The following GSDMB variants were observed in gnomAD, a reference collection of about 807,000 sequenced individuals.
GSDMB encodes the protein gasdermin-B.
Under a neutral mutation model 42.9 loss-of-function variants are expected in GSDMB, and 32 were observed. That is an observed-to-expected ratio of 0.75 (90% CI 0.56 to 1.00). GSDMB has a LOEUF of 1.00. Among genes scored for constraint, GSDMB ranks in the 50% least tolerant of loss-of-function variants. The pLI is 0.00. For synonymous variants in GSDMB, 175 were observed against 193.7 expected (o/e 0.90, Z 0.80); for missense variants, 468 against 498.5 (o/e 0.94, Z 0.58).
At chr17:39,911,678 C>A (rs982067997) in intron 3 of GSDMB, among the ~76,000 whole-genome samples, 3 of 152,142 alleles carry the variant, frequency 2.0e-5, no homozygotes, top group Non-Finnish European at 4.4e-5. Flanking sequence ...GGGGTCAATA[C>A]AGAGAGGTTA....
At position 39,906,131 on chromosome 17, in the gene GSDMB, G is replaced by A. The variant is rs553860074; in HGVS notation, c.868C>T (p.Arg290Trp). 1.3e-4 allele frequency: 204 copies of A among 1,614,108 alleles called. No homozygotes were observed. In the South Asian group the frequency reaches 2.0e-3, roughly 16 times the overall value. ...CTTACTCTTTGCTCTAGATCCTGCC[G>A]AATATCCTCCTTGCCGAGGCACTTA... ...LAKCLGKEDI[R>W]QDLEQRVSEV... The change falls in exon 8 of 11, where the codon CGG becomes TGG. Residue 290 changes from arginine (R) to tryptophan (W), a missense_variant. Transcript: ENST00000418519.
In GSDMB at chr17:39,906,962, T is replaced by G; in HGVS notation, c.726A>C (p.Leu242Phe). The part of the protein sequence containing the change: ...PEEKDGASSC[L>F]GKSLGSEDSR... ...AACACACTTGGCTATCACCCTTACCTAAACAGGATGAAGCACCATCCTTCT... is the reference window on the plus strand; with the variant it reads ...AACACACTTGGCTATCACCCTTACCGAAACAGGATGAAGCACCATCCTTCT... Residue 242 changes from leucine (L) to phenylalanine (F), a missense_variant and splice_region_variant, in exon 7 of 11, where the codon TTA becomes TTC. Coordinates refer to ENST00000418519, the MANE Select transcript of GSDMB (RefSeq NM_001165958.2). 6.2e-7 allele frequency: 1 copy of G among 1,613,990 alleles called. No homozygotes were observed. Among genetic ancestry groups the G allele is most frequent in the Non-Finnish European group, 8.5e-7 (1 of 1,179,930 alleles).
intron 2 of GSDMB, 80 bp downstream of exon 2, chr17:39,917,002 C>G (rs2063723125): frequency 9.1e-6 from 8 of 882,026 alleles, no homozygotes; most frequent in South Asian, 8.3e-5. Context: ...TGGTTGATAA[C>G]AATGGGGAAT....
chr17:39,912,410 C>T lies in GSDMB; in HGVS notation c.323G>A (p.Gly108Asp), dbSNP rs776240501. Residue 108 changes from glycine to aspartate, a missense_variant, in exon 3 of 11, where the codon GGC (glycine) becomes GAC (aspartate). Coordinates refer to ENST00000418519, the MANE Select transcript of GSDMB (RefSeq NM_001165958.2). ...VRLPKEITISGSFQGFHHQKI... is the reference protein window; with the variant it reads ...VRLPKEITISDSFQGFHHQKI... ...CTGATGGTGGAAGCCCTGGAAACTG[C>T]CTGAAATTGTTATTTCTTTGGGTAA... 6.2e-7 allele frequency: 1 copy of T among 1,612,858 alleles called. No homozygotes were observed. Among genetic ancestry groups the T allele is most frequent in the Non-Finnish European group, 8.5e-7 (1 of 1,178,890 alleles).
At chr17:39,913,428 A>G (rs368626896) in intron 2 of GSDMB, among the ~76,000 whole-genome samples, 1 of 152,042 alleles carries the variant, frequency 6.6e-6, no homozygotes, top group Non-Finnish European at 1.5e-5. Context: ...TTGGAGACCA[A>G]CCTGGCCAAC....
intron 2 of GSDMB, among the ~76,000 whole-genome samples, chr17:39,915,721 G>T (rs2063698415): frequency 6.6e-6 from 1 of 151,352 alleles, no homozygotes; most frequent in Non-Finnish European, 1.5e-5. Flanking sequence ...AAAGCCCCTT[G>T]CTTGCTTAAC....
chr17:39,908,366 TTTTG>T (rs933861987), intron 5 of GSDMB, 152 bp from the exon 6 acceptor site: 1 of 537,928 alleles, frequency 1.9e-6, no homozygotes, highest in African/African-American at 2.4e-5. Context: ...TTGTTTTTGT[TTTTG>T]TTTTTTGTTT....
chr17:39,911,203 G>T (rs551074640), intron 3 of GSDMB, among the ~76,000 whole-genome samples: 8 of 151,764 alleles, frequency 5.3e-5, no homozygotes, highest in Non-Finnish European at 7.4e-5. Context: ...GGCACCTGTA[G>T]TCCCAGCTCC....
intron 2 of GSDMB, among the ~76,000 whole-genome samples, chr17:39,913,876 G>C (rs2063660153): frequency 6.6e-6 from 1 of 152,204 alleles, no homozygotes; most frequent in South Asian, 2.1e-4. Flanking sequence ...TTTGGAGGCA[G>C]GGCTGGATTT....
In GSDMB at chr17:39,905,899, G is replaced by A. The variant is rs763299525; in HGVS notation, c.975C>T (p.Val325=). 6.2e-7 allele frequency: 1 copy of A among 1,614,062 alleles called. No homozygotes were observed. The highest frequency in any genetic ancestry group is 2.2e-5 in the East Asian group (1 of 44,882). Residue 325 remains valine (V), a synonymous_variant, in exon 9 of 11, where the codon GTC becomes GTT. Coordinates refer to ENST00000418519, the MANE Select transcript of GSDMB (RefSeq NM_001165958.2). ...TGGCTTTTGCACGCGCTTCTACCAA[G>A]ACCCCAGCAGCATTAAAAAGGCTGC... ...LLSSLFNAAG[V]LVEARAKAIL...
At position 39,905,497 on chromosome 17, in the gene GSDMB, C is replaced by G. The variant is rs1315755292; in HGVS notation, c.1028-1G>C. The G allele has an allele frequency of 5.0e-6, 8 of 1,607,274 alleles. No homozygotes were observed. In the Admixed American group the frequency reaches 6.8e-5, roughly 14 times the overall value. ...ACAAACTGCTGCTCTTCAGACAGCT[C>G]TGGGGGCAAAGAAAGAGTGGTAAAA... On this transcript the variant is annotated splice_acceptor_variant, in intron 9 of 10. Transcript: ENST00000418519. LOFTEE classifies it high-confidence loss of function.
chr17:39,914,833 C>CTTTTTTTTTTTG (rs79835993), intron 2 of GSDMB, among the ~76,000 whole-genome samples: 1 of 140,050 alleles, frequency 7.1e-6, no homozygotes, highest in African/African-American at 2.7e-5. Context: ...CCTATGCACA[C>CTTTTTTTTTTTG]TTTTTTTTTT....
At chr17:39,915,249 G>A (rs1188331167) in intron 2 of GSDMB, among the ~76,000 whole-genome samples, 2 of 152,252 alleles carry the variant, frequency 1.3e-5, no homozygotes, top group African/African-American at 2.4e-5. Flanking sequence ...TGGGATTACA[G>A]GCGCGAGCCA....
At chr17:39,908,321 AATC>A in intron 5 of GSDMB, 107 bp from the exon 6 acceptor site, 25 of 306,354 alleles carry the variant, frequency 8.2e-5, no homozygotes, top group Non-Finnish European at 9.3e-5. Flanking sequence ...ACCAGCCTCC[AATC>A]AAAAAAAAAA....
At chr17:39,911,323 C>A (rs1055205447) in intron 3 of GSDMB, among the ~76,000 whole-genome samples, 32 of 116,532 alleles carry the variant, frequency 2.7e-4, no homozygotes, top group Admixed American at 4.5e-4. Flanking sequence ...AACTCCATCT[C>A]AAAAAAAAAA....
rs1302279490 is a variant in GSDMB at position 39,904,642 on chromosome 17, T to A, written c.*170A>T. On this transcript the variant is annotated 3_prime_UTR_variant, in exon 11 of 11. Transcript: ENST00000418519. Reference sequence around the variant, plus strand: ...TTTAATCAGAAGTCCATGTATGAAATCCAGGCTGGTTTTGGATGTTAACAT... The same window carrying A: ...TTTAATCAGAAGTCCATGTATGAAAACCAGGCTGGTTTTGGATGTTAACAT... 5.5e-6 allele frequency: 3 copies of A among 549,836 alleles called. No individual in the cohort carries two copies. The African/African-American group carries it at 5.7e-5, about 10-fold the overall frequency. 34.1% of individuals were successfully genotyped at this position (549,836 alleles called of 1,614,324 possible).
chr17:39,906,356 T>C, intron 7 of GSDMB, 85 bp from the exon 8 acceptor site: 1 of 1,303,318 alleles, frequency 7.7e-7, no homozygotes, highest in Non-Finnish European at 1.1e-6. Flanking sequence ...GACTGTCTTC[T>C]GGAGACCACC....
intron 2 of GSDMB, among the ~76,000 whole-genome samples, chr17:39,916,788 T>A (rs1367983858): frequency 1.3e-5 from 2 of 152,166 alleles, no homozygotes; most frequent in Admixed American, 1.3e-4. Context: ...TTCATTTAAA[T>A]GATAAACACA....
intron 4 of GSDMB, 92 bp downstream of exon 4, chr17:39,909,664 A>C: frequency 8.8e-7 from 1 of 1,131,524 alleles, no homozygotes; most frequent in Non-Finnish European, 1.3e-6. Context: ...CTCGGAGAGG[A>C]GTGAAGGAAG....
Sources: allele counts gnomAD v4.1 joint callset (sites outside exome capture counted in the v4.1 genomes callset), GRCh38; gene constraint gnomAD v4.1.1; transcripts MANE v1.5; gene names NCBI Gene and HGNC (gene_info 2026-07-23, HGNC 2026-07-21).